Variants in RANBP9 observed in about 807,000 individuals in gnomAD.
The protein encoded by RANBP9 is RAN binding protein 9.
Under a neutral mutation model 84.3 loss-of-function variants are expected in RANBP9, and 15 were observed. That is an observed-to-expected ratio of 0.18 (90% CI 0.12 to 0.27). RANBP9 has a LOEUF of 0.27. Among genes scored for constraint, RANBP9 ranks in the 10% least tolerant of loss-of-function variants. The probability of loss-of-function intolerance (pLI) is 1.00; values close to 1 mark genes in which losing one functional copy is unlikely to be tolerated. For missense variants in RANBP9, 809 were observed against 912.8 expected (o/e 0.89, Z 1.46); for synonymous variants, 392 against 349.6 (o/e 1.12, Z -1.35).
chr6:13,670,592 C>T (rs183254032), intron 2 of RANBP9, among the ~76,000 whole-genome samples: 1,699 of 151,738 alleles, frequency 0.011, 12 homozygotes, highest in Middle Eastern at 0.027. Context: ...GTCAGGAGAT[C>T]GAGACCATCC....
intron 13 of RANBP9, 147 bp from the exon 14 acceptor site, chr6:13,622,639 G>T: frequency 1.2e-6 from 1 of 821,568 alleles, no homozygotes; most frequent in South Asian, 2.8e-5. Context: ...CTAAGCAAAA[G>T]ACAGATGCCG....
intron 2 of RANBP9, among the ~76,000 whole-genome samples, chr6:13,669,713 C>T (rs544571812): frequency 5.9e-5 from 9 of 152,246 alleles, no homozygotes; most frequent in South Asian, 2.1e-4. Context: ...CCTCAGCCCC[C>T]GAGTAGCTGG....
At chr6:13,710,890 G>T (rs370188749) in intron 1 of RANBP9, 45 bp downstream of exon 1, 24 of 1,540,624 alleles carry the variant, frequency 1.6e-5, no homozygotes, top group African/African-American at 1.4e-4. Flanking sequence ...GGCCGGCCAC[G>T]TCGGGTCAGT....
At chr6:13,666,973 C>T (rs1765664825) in intron 2 of RANBP9, among the ~76,000 whole-genome samples, 1 of 152,014 alleles carries the variant, frequency 6.6e-6, no homozygotes, top group Non-Finnish European at 1.5e-5. Context: ...ACACAGTAAA[C>T]TGAATAGCTG....
chr6:13,623,232 G>A (rs1764505118), intron 13 of RANBP9, among the ~76,000 whole-genome samples: 1 of 152,198 alleles, frequency 6.6e-6, no homozygotes, highest in South Asian at 2.1e-4. Flanking sequence ...AGACTCAGAA[G>A]CTGGTAATTT....
Position 13,692,980 on chromosome 6 carries a change from A to C in RANBP9, c.683+3805T>G, listed in dbSNP as rs150311278. Among the ~76,000 whole-genome samples, 3 of 152,352 alleles carry C rather than the reference A, an allele frequency of 2.0e-5. No homozygotes were observed. In the East Asian group the frequency reaches 5.8e-4, roughly 29 times the overall value. On this transcript the variant is annotated intron_variant, in intron 2 of 13. Transcript: ENST00000011619. ...TTAAGTACTGGAGTTATAGAAATTA[A>C]AATAGTCCCTTACTCTTAAATCTGT...
chr6:13,648,141 GTTTTTTTTTTTT>G lies in RANBP9; in HGVS notation c.928-3424_928-3413del, dbSNP rs375219477. Among the ~76,000 whole-genome samples the G allele has an allele frequency of 1.1e-4, 9 of 80,674 alleles. No homozygotes were observed. The Admixed American group carries it at 1.1e-3, about 10-fold the overall frequency. 52.9% of individuals were successfully genotyped at this position (80,674 alleles called of 152,430 possible). A position where few individuals can be genotyped will look rare whatever the true frequency, so the allele number is the denominator to read the frequency against. ...CAAAATATGTGATCTTATATGACTG[GTTTTTTTTTTTT>G]TTTTTTTTTTTTTTGAGACGGAGTC... is the stretch of plus-strand genomic sequence containing the variant. On this transcript the variant is annotated intron_variant, in intron 5 of 13. Transcript: ENST00000011619.
intron 12 of RANBP9, among the ~76,000 whole-genome samples, chr6:13,627,027 T>C (rs1178398722): frequency 1.3e-5 from 2 of 152,208 alleles, no homozygotes; most frequent in African/African-American, 4.8e-5. Context: ...GGCTCCTCCA[T>C]TGTTTTATAT....
At chr6:13,705,913 T>A (rs953275805) in intron 1 of RANBP9, among the ~76,000 whole-genome samples, 1 of 148,762 alleles carries the variant, frequency 6.7e-6, no homozygotes, top group Non-Finnish European at 1.5e-5. Flanking sequence ...ACCCCCGTAA[T>A]GCTTAACAGA....
chr6:13,628,995 A>G (rs1584908933), intron 12 of RANBP9, among the ~76,000 whole-genome samples: 1 of 152,176 alleles, frequency 6.6e-6, no homozygotes, highest in South Asian at 2.1e-4. Context: ...ATAATTTAAG[A>G]AACAAAGATA....
At chr6:13,677,297 T>C (rs1308226777) in intron 2 of RANBP9, among the ~76,000 whole-genome samples, 1 of 152,038 alleles carries the variant, frequency 6.6e-6, no homozygotes, top group African/African-American at 2.4e-5. Context: ...TAACAAATAT[T>C]GACAAAATTG....
intron 12 of RANBP9, among the ~76,000 whole-genome samples, chr6:13,629,744 C>A (rs1764721399): frequency 6.6e-6 from 1 of 152,160 alleles, no homozygotes; most frequent in African/African-American, 2.4e-5. Context: ...TTGGGAGCCA[C>A]TGGAAGACGT....
At chr6:13,662,774 C>T (rs1332303306) in intron 2 of RANBP9, among the ~76,000 whole-genome samples, 3 of 152,268 alleles carry the variant, frequency 2.0e-5, no homozygotes, top group Non-Finnish European at 4.4e-5. Flanking sequence ...TGTTTTGTTA[C>T]TGCAGCCCAA....
At chr6:13,678,845 T>C (rs1765959791) in intron 2 of RANBP9, among the ~76,000 whole-genome samples, 2 of 152,080 alleles carry the variant, frequency 1.3e-5, no homozygotes, top group Non-Finnish European at 2.9e-5. Context: ...CTACCCAGAC[T>C]TTACCACACC....
In RANBP9 at chr6:13,625,764, C is replaced by A; in HGVS notation, c.1948G>T (p.Asp650Tyr). The stretch of plus-strand genomic sequence containing the variant: ...GAATATGCTAGTAGACTGAATGCAT[C>A]CTGTTGAAAACACATCGATTTGGTT... ...KNTANKKMLK[D>Y]AFSLLAYSDP... The change falls in exon 13 of 14, where the codon GAT becomes TAT. Residue 650 changes from aspartate to tyrosine, a missense_variant and splice_region_variant. This residue lies in a region of RANBP9 where 233 missense variants were observed against 234.4 expected (regional missense o/e 0.99). Coordinates refer to ENST00000011619, the MANE Select transcript of RANBP9 (RefSeq NM_005493.3). 6.3e-7 allele frequency: 1 copy of A among 1,588,434 alleles called. No individual in the cohort carries two copies.
At chr6:13,702,002 T>C (rs1332702897) in intron 1 of RANBP9, among the ~76,000 whole-genome samples, 1 of 152,188 alleles carries the variant, frequency 6.6e-6, no homozygotes, top group African/African-American at 2.4e-5. Flanking sequence ...TTTCATTATC[T>C]TCCTCTCTAA....
intron 2 of RANBP9, among the ~76,000 whole-genome samples, chr6:13,681,605 AATAG>A (rs903478630): frequency 2.0e-5 from 3 of 152,112 alleles, no homozygotes; most frequent in South Asian, 2.1e-4. Flanking sequence ...GAGCAAACAA[AATAG>A]ATAAAATAAA....
intron 12 of RANBP9, among the ~76,000 whole-genome samples, chr6:13,628,806 A>G (rs562332277): frequency 4.6e-5 from 7 of 152,354 alleles, no homozygotes; most frequent in Admixed American, 2.0e-4. Context: ...AGATACTAAC[A>G]TATGTTAAAC....
intron 2 of RANBP9, among the ~76,000 whole-genome samples, chr6:13,661,767 A>G (rs1162536539): frequency 1.3e-5 from 2 of 152,194 alleles, no homozygotes; most frequent in Admixed American, 1.3e-4. Context: ...ATAAAAATTA[A>G]GTCACACATA....
Sources: gnomAD v4.1 joint callset for allele counts (sites outside exome capture counted in the v4.1 genomes callset) on GRCh38, gnomAD v4.1.1 for gene constraint, gnomAD v4.1.1 regional missense constraint, MANE v1.5 for transcripts, NCBI Gene and HGNC (gene_info 2026-07-23, HGNC 2026-07-21) for gene names.